NKAIN2: variants seen among roughly 807,000 people sequenced by gnomAD.
The protein encoded by NKAIN2 is sodium/potassium-transporting ATPase subunit beta-1-interacting protein 2.
Under a neutral mutation model 32.6 loss-of-function variants are expected in NKAIN2, and 14 were observed. The observed-to-expected ratio is 0.43, with a 90% CI of 0.28 to 0.67. The LOEUF is 0.67. NKAIN2 is among the 30% of genes least tolerant of loss of function. The probability of loss-of-function intolerance (pLI) is 0.17; values close to 1 mark genes in which losing one functional copy is unlikely to be tolerated. For missense variants in NKAIN2, 198 were observed against 258.3 expected (o/e 0.77, Z 1.60); for synonymous variants, 80 against 87.2 (o/e 0.92, Z 0.46).
chr6:124,655,119 T>C (rs943982941), intron 3 of NKAIN2, among the ~76,000 whole-genome samples: 1 of 152,112 alleles, frequency 6.6e-6, no homozygotes, highest in Non-Finnish European at 1.5e-5. Context: ...ATAAATATTT[T>C]ATATGAAATA....
At chr6:124,019,745 A>G (rs1395045555) in intron 1 of NKAIN2, among the ~76,000 whole-genome samples, 2 of 152,084 alleles carry the variant, frequency 1.3e-5, no homozygotes, top group African/African-American at 4.8e-5. Context: ...TGTTTTTTTC[A>G]TCAGCATACA....
chr6:124,207,366 T>G (rs1790946734), intron 1 of NKAIN2, among the ~76,000 whole-genome samples: 1 of 151,434 alleles, frequency 6.6e-6, no homozygotes, highest in South Asian at 2.1e-4. Flanking sequence ...ATTAAGGGGC[T>G]CTTATCTTAA....
chr6:124,097,642 G>A (rs552801650), intron 1 of NKAIN2, among the ~76,000 whole-genome samples: 13 of 152,298 alleles, frequency 8.5e-5, no homozygotes, highest in Middle Eastern at 3.4e-3. Context: ...GTGGAAAGTC[G>A]TGCTATAATA....
At chr6:124,797,195 A>AAG (rs1562388676) in intron 5 of NKAIN2, among the ~76,000 whole-genome samples, 2 of 147,702 alleles carry the variant, frequency 1.4e-5, no homozygotes, top group African/African-American at 5.1e-5. Flanking sequence ...AAAAAAAATC[A>AAG]TCATGACTTC....
intron 1 of NKAIN2, among the ~76,000 whole-genome samples, chr6:124,072,770 TTTTA>T (rs1341043739): frequency 5.3e-5 from 8 of 152,188 alleles, no homozygotes; most frequent in Non-Finnish European, 1.0e-4. Flanking sequence ...TTCACCCAAG[TTTTA>T]TTTCTTTCTT....
intron 3 of NKAIN2, among the ~76,000 whole-genome samples, chr6:124,411,552 CT>C (rs1216002390): frequency 6.6e-6 from 1 of 152,272 alleles, no homozygotes; most frequent in Non-Finnish European, 1.5e-5. Context: ...GAGAGATCAG[CT>C]GTTAGTCTGA....
chr6:124,454,133 C>T (rs974455483), intron 3 of NKAIN2, among the ~76,000 whole-genome samples: 3 of 143,444 alleles, frequency 2.1e-5, no homozygotes, highest in Non-Finnish European at 3.0e-5. Flanking sequence ...GGTTTATTTG[C>T]TTTTGTGTGT....
chr6:124,414,650 A>C (rs370062994), intron 3 of NKAIN2, among the ~76,000 whole-genome samples: 4 of 152,218 alleles, frequency 2.6e-5, no homozygotes, highest in East Asian at 3.9e-4. Flanking sequence ...TTTTTGGGAA[A>C]ATTTTTAACT....
At chr6:123,957,792 G>A (rs541796780) in intron 1 of NKAIN2, among the ~76,000 whole-genome samples, 1 of 152,030 alleles carries the variant, frequency 6.6e-6, no homozygotes, top group Non-Finnish European at 1.5e-5. Flanking sequence ...GTTTCTTAAA[G>A]TAATTAATAA....
At chr6:123,885,791 T>A (rs9482484) in intron 1 of NKAIN2, among the ~76,000 whole-genome samples, 3,975 of 152,064 alleles carry the variant, frequency 0.026, 181 homozygotes, top group African/African-American at 0.091. Flanking sequence ...TCTTACTTAG[T>A]ATGAATTTTC....
At chr6:123,816,651 G>A (rs774029880) in intron 1 of NKAIN2, among the ~76,000 whole-genome samples, 3 of 152,178 alleles carry the variant, frequency 2.0e-5, no homozygotes, top group Non-Finnish European at 2.9e-5. Context: ...ACAGGTAGGT[G>A]TGGGTGGGAA....
intron 1 of NKAIN2, among the ~76,000 whole-genome samples, chr6:124,233,046 A>T (rs1282617530): frequency 6.6e-6 from 1 of 152,126 alleles, no homozygotes; most frequent in Non-Finnish European, 1.5e-5. Flanking sequence ...TGGGGGTACA[A>T]TGGGAACCAG....
intron 4 of NKAIN2, among the ~76,000 whole-genome samples, chr6:124,732,419 C>T (rs1776728412): frequency 6.6e-6 from 1 of 151,980 alleles, no homozygotes; most frequent in Non-Finnish European, 1.5e-5. Context: ...GAAGTTAGGT[C>T]ACAGTGATGG....
chr6:124,021,171 G>A (rs1427722804), intron 1 of NKAIN2, among the ~76,000 whole-genome samples: 1 of 151,992 alleles, frequency 6.6e-6, no homozygotes, highest in Non-Finnish European at 1.5e-5. Flanking sequence ...ACACAGGGAA[G>A]CATTATGTTA....
At chr6:124,766,043 T>A (rs9375368) in intron 4 of NKAIN2, among the ~76,000 whole-genome samples, 70,517 of 152,126 alleles carry the variant, frequency 0.46, 17,641 homozygotes, top group Non-Finnish European at 0.54. Context: ...ACACTTCTCC[T>A]TGGCTTTTGC....
At chr6:124,412,053 T>G (rs1774214817) in intron 3 of NKAIN2, among the ~76,000 whole-genome samples, 1 of 152,148 alleles carries the variant, frequency 6.6e-6, no homozygotes. Flanking sequence ...AGGACTTCTC[T>G]GCATTGGTTA....
intron 1 of NKAIN2, among the ~76,000 whole-genome samples, chr6:123,820,062 A>G (rs995389743): frequency 2.6e-5 from 4 of 152,214 alleles, no homozygotes; most frequent in Admixed American, 1.3e-4. Flanking sequence ...AATAGCCTCG[A>G]ATTTAGTTAT....
chr6:123,918,481 A>G (rs983771547), intron 1 of NKAIN2, among the ~76,000 whole-genome samples: 2 of 152,320 alleles, frequency 1.3e-5, no homozygotes, highest in South Asian at 2.1e-4. Flanking sequence ...TATCAACCGC[A>G]TGGCAGAAAT....
chr6:124,738,762 A>C (rs1027574202), intron 4 of NKAIN2, among the ~76,000 whole-genome samples: 6 of 151,824 alleles, frequency 4.0e-5, no homozygotes, highest in South Asian at 2.1e-4. Context: ...AAATCACTTA[A>C]TCTCTTTCAA....
Sources: allele counts gnomAD v4.1 joint callset (sites outside exome capture counted in the v4.1 genomes callset), GRCh38; gene constraint gnomAD v4.1.1; transcripts MANE v1.5; gene names NCBI Gene and HGNC (gene_info 2026-07-23, HGNC 2026-07-21).